The following TACR3 variants were observed in gnomAD, a reference collection of about 807,000 sequenced individuals.
TACR3 encodes tachykinin receptor 3.
Under a neutral mutation model 35.0 loss-of-function variants are expected in TACR3, and 34 were observed. The observed-to-expected ratio is 0.97, with a 90% CI of 0.74 to 1.30. TACR3 has a LOEUF of 1.30. Ranked by LOEUF, TACR3 falls within the 50% of genes most tolerant of loss-of-function variation. TACR3 has a pLI of 0.00. For synonymous variants in TACR3, 233 were observed against 221.1 expected, an observed-to-expected ratio of 1.05 and a Z score of -0.48; for missense variants, 558 against 591.7, an observed-to-expected ratio of 0.94 and a Z score of 0.59.
At chr4:103,614,005 T>C (rs1724574628) in intron 3 of TACR3, among the ~76,000 whole-genome samples, 1 of 152,224 alleles carries the variant, frequency 6.6e-6, no homozygotes, top group Admixed American at 6.5e-5. Flanking sequence ...TATGTCCTTA[T>C]TTAACTTTAC....
intron 1 of TACR3, among the ~76,000 whole-genome samples, chr4:103,707,982 G>A (rs560382858): frequency 1.3e-5 from 2 of 152,328 alleles, no homozygotes; most frequent in Admixed American, 1.3e-4. Context: ...TAAGGCTTGA[G>A]TAGGTAAACA....
intron 1 of TACR3, among the ~76,000 whole-genome samples, chr4:103,672,601 A>G (rs1726079505): frequency 6.6e-6 from 1 of 152,198 alleles, no homozygotes; most frequent in African/African-American, 2.4e-5. Context: ...ATGTGTCATC[A>G]TCCATGCTGT....
At chr4:103,675,658 A>G (rs1218721724) in intron 1 of TACR3, among the ~76,000 whole-genome samples, 2 of 152,152 alleles carry the variant, frequency 1.3e-5, no homozygotes, top group Non-Finnish European at 1.5e-5. Context: ...AACATCCAAT[A>G]AGAGATATGC....
chr4:103,613,541 C>T (rs576686717), intron 3 of TACR3, among the ~76,000 whole-genome samples: 16 of 151,182 alleles, frequency 1.1e-4, no homozygotes, highest in Non-Finnish European at 2.4e-4. Context: ...ATTGGCCAGG[C>T]TGGTCTTGAT....
intron 1 of TACR3, among the ~76,000 whole-genome samples, chr4:103,703,155 T>G (rs1487748062): frequency 6.6e-6 from 1 of 152,228 alleles, no homozygotes; most frequent in Admixed American, 6.5e-5. Flanking sequence ...CACATTGTTT[T>G]GCATGTATCT....
intron 3 of TACR3, among the ~76,000 whole-genome samples, chr4:103,593,083 T>G (rs570540006): frequency 1.2e-4 from 19 of 152,232 alleles, no homozygotes; most frequent in Non-Finnish European, 1.2e-4. Context: ...TTTCTGCATT[T>G]TATTTCTCAG....
At chr4:103,692,026 G>A (rs1722414277) in intron 1 of TACR3, among the ~76,000 whole-genome samples, 1 of 152,192 alleles carries the variant, frequency 6.6e-6, no homozygotes, top group African/African-American at 2.4e-5. Context: ...CTGTGTGTGT[G>A]TGTCTTTAAT....
At chr4:103,664,826 T>A (rs769923890) in intron 1 of TACR3, among the ~76,000 whole-genome samples, 34 of 152,192 alleles carry the variant, frequency 2.2e-4, no homozygotes, top group Non-Finnish European at 4.3e-4. Flanking sequence ...TTTGTTTGTT[T>A]GGTTGATGGG....
intron 3 of TACR3, among the ~76,000 whole-genome samples, chr4:103,606,197 T>TGC (rs1724358354): frequency 1.3e-5 from 2 of 151,934 alleles, no homozygotes; most frequent in Admixed American, 6.6e-5. Context: ...TCTGTTTTGG[T>TGC]ACCAGTACCA....
intron 1 of TACR3, among the ~76,000 whole-genome samples, chr4:103,682,605 G>C (rs1172376992): frequency 1.3e-5 from 2 of 152,102 alleles, no homozygotes; most frequent in Admixed American, 1.3e-4. Flanking sequence ...TTTGAGGTGA[G>C]ATTTGGGTGG....
chr4:103,682,432 AAG>A (rs1449201081), intron 1 of TACR3, among the ~76,000 whole-genome samples: 1 of 152,164 alleles, frequency 6.6e-6, no homozygotes, highest in African/African-American at 2.4e-5. Flanking sequence ...GGCAGCAGGC[AAG>A]AGAGACTGAG....
rs1271100817 is a variant in TACR3, at chr4:103,627,352, T to TAAAAATACA, written c.888+28841_888+28842insTGTATTTTT. 8.9e-4 allele frequency among the ~76,000 whole-genome samples: 73 copies of TAAAAATACA among 82,484 alleles called. 1 individual carries two copies. Among genetic ancestry groups the TAAAAATACA allele is most frequent in the African/African-American group, 3.5e-3 (72 of 20,758 alleles). 54.1% of individuals were successfully genotyped at this position (82,484 alleles called of 152,430 possible). A position where few individuals can be genotyped will look rare whatever the true frequency, so the allele number is the denominator to read the frequency against. ...CAACATGGTGAAACTGTGTTTCCAT[T>TAAAAATACA]AAAAAAAAAAAAAAAAAAAAAAAAA... is the stretch of plus-strand genomic sequence containing the variant. On this transcript the variant is annotated intron_variant, in intron 3 of 4. Transcript: ENST00000304883.
Position 103,587,081 on chromosome 4 carries a change from CAG to C in TACR3, c.*2599_*2600del, listed in dbSNP as rs1230031374. ...AAAGATTCATACTGAACTTTAGAAA[CAG>C]AGGGTAGAGTAAATTTTGAAGGCAG... On this transcript the variant is annotated 3_prime_UTR_variant, in exon 5 of 5. Transcript: ENST00000304883. 1 of 151,964 alleles carries C rather than the reference CAG, an allele frequency of 6.6e-6. No individual in the cohort carries two copies. Among genetic ancestry groups the C allele is most frequent in the African/African-American group, 2.4e-5 (1 of 41,356 alleles). 9.4% of individuals were successfully genotyped at this position (151,964 alleles called of 1,614,324 possible). A position where few individuals can be genotyped will look rare whatever the true frequency, so the allele number is the denominator to read the frequency against.
At chr4:103,641,752 A>T (rs1482797814) in intron 3 of TACR3, among the ~76,000 whole-genome samples, 1 of 151,986 alleles carries the variant, frequency 6.6e-6, no homozygotes, top group East Asian at 1.9e-4. Context: ...ATGAATGGAT[A>T]AAAAACGTGG....
At chr4:103,686,774 T>A (rs941130408) in intron 1 of TACR3, among the ~76,000 whole-genome samples, 15 of 152,056 alleles carry the variant, frequency 9.9e-5, no homozygotes, top group African/African-American at 2.9e-4. Flanking sequence ...AAAGAAAAGC[T>A]TTTTAGGACC....
At chr4:103,601,029 C>T (rs890932380) in intron 3 of TACR3, among the ~76,000 whole-genome samples, 9 of 151,974 alleles carry the variant, frequency 5.9e-5, no homozygotes, top group Non-Finnish European at 1.2e-4. Context: ...AACTTTCTCT[C>T]GTTGATCTGT....
chr4:103,630,128 G>A (rs1725025419), intron 3 of TACR3, among the ~76,000 whole-genome samples: 1 of 152,144 alleles, frequency 6.6e-6, no homozygotes, highest in Non-Finnish European at 1.5e-5. Flanking sequence ...GGGGAAACTG[G>A]CTGCCCTATG....
chr4:103,670,641 T>C (rs1240543819), intron 1 of TACR3, among the ~76,000 whole-genome samples: 1 of 152,032 alleles, frequency 6.6e-6, no homozygotes, highest in Admixed American at 6.6e-5. Flanking sequence ...AGGAATGCTA[T>C]TGATTTTTGT....
At chr4:103,643,129 T>A (rs911913883) in intron 3 of TACR3, among the ~76,000 whole-genome samples, 1 of 151,862 alleles carries the variant, frequency 6.6e-6, no homozygotes, top group Non-Finnish European at 1.5e-5. Flanking sequence ...CAGTGCTGAC[T>A]AATATGATAG....
Sources: allele counts gnomAD v4.1 joint callset (sites outside exome capture counted in the v4.1 genomes callset), GRCh38; gene constraint gnomAD v4.1.1; transcripts MANE v1.5; gene names NCBI Gene and HGNC (gene_info 2026-07-23, HGNC 2026-07-21).